Variants in WDR59 observed in about 807,000 individuals in gnomAD.
The protein encoded by WDR59 is WD repeat domain 59, also known as GATOR2 complex protein WDR59.
WDR59 carries 100 observed loss-of-function variants against 131.2 expected under a neutral mutation model. The observed-to-expected ratio is 0.76, with a 90% CI of 0.65 to 0.90. The LOEUF (loss-of-function observed/expected upper bound fraction) is 0.90. WDR59 is among the 40% of genes least tolerant of loss of function. The probability of loss-of-function intolerance (pLI) is 0.00; values close to 1 mark genes in which losing one functional copy is unlikely to be tolerated. For synonymous variants in WDR59, 601 were observed against 466.2 expected, an observed-to-expected ratio of 1.29 and a Z score of -3.72; for missense variants, 1,203 against 1,262.2, an observed-to-expected ratio of 0.95 and a Z score of 0.71.
intron 18 of WDR59, among the ~76,000 whole-genome samples, chr16:74,898,203 G>C (rs1475323704): frequency 6.6e-6 from 1 of 152,148 alleles, no homozygotes; most frequent in Non-Finnish European, 1.5e-5. Flanking sequence ...AGAGCATACT[G>C]ACACATGAGG....
intron 25 of WDR59, among the ~76,000 whole-genome samples, chr16:74,879,473 TTCAG>T (rs1185395912): frequency 2.0e-5 from 3 of 152,200 alleles, no homozygotes; most frequent in Non-Finnish European, 4.4e-5. Context: ...AGCAGATGAC[TTCAG>T]TCAAAGTAGA....
intron 1 of WDR59, among the ~76,000 whole-genome samples, chr16:74,967,082 T>C (rs2033803279): frequency 1.3e-5 from 2 of 152,148 alleles, no homozygotes; most frequent in African/African-American, 4.8e-5. Context: ...TCTGCGACAA[T>C]CACAAATCAC....
At chr16:74,948,609 C>A (rs2032796921) in intron 5 of WDR59, 53 bp from the exon 6 acceptor site, 5 of 1,445,566 alleles carry the variant, frequency 3.5e-6, no homozygotes, top group African/African-American at 2.8e-5. Flanking sequence ...CACCACCCAC[C>A]TGGTATTTTT....
rs756721530 is a variant in WDR59 at position 74,916,178 on chromosome 16, G to A, written c.1048C>T (p.His350Tyr). 1.5e-5 allele frequency: 24 copies of A among 1,614,012 alleles called. No homozygotes were observed. The East Asian group carries it at 4.9e-4, about 33-fold the overall frequency. Residue 350 changes from histidine (H) to tyrosine (Y), a missense_variant, in exon 12 of 26, where the codon CAC (histidine) becomes TAC (tyrosine). Transcript: ENST00000262144. The stretch of plus-strand genomic sequence containing the variant: ...TGCTGGTGATCTGTATCTTCAGTGT[G>A]CAGGGTCTTCTCAGGTTCCGGCAGA... Reference protein sequence around the residue: ...SLLPEPEKTLHTEDTDHQHTA... With the variant: ...SLLPEPEKTLYTEDTDHQHTA...
intron 22 of WDR59, 104 bp downstream of exon 22, chr16:74,888,065 C>G (rs1187867812): frequency 7.2e-7 from 1 of 1,392,396 alleles, no homozygotes; most frequent in Non-Finnish European, 9.5e-7. Context: ...TTGCAGTGAG[C>G]TGAGATCATG....
chr16:74,913,823 G>C (rs959724641), intron 13 of WDR59, among the ~76,000 whole-genome samples: 5 of 152,152 alleles, frequency 3.3e-5, no homozygotes, highest in African/African-American at 9.7e-5. Context: ...GTTTCTTCTG[G>C]GAATGATGAA....
intron 9 of WDR59, among the ~76,000 whole-genome samples, chr16:74,922,726 T>A (rs1463132249): frequency 6.6e-6 from 1 of 152,230 alleles, no homozygotes; most frequent in South Asian, 2.1e-4. Context: ...AAAGAGCACA[T>A]TTATCTTCAC....
chr16:74,982,413 C>T (rs1444756647), intron 1 of WDR59, among the ~76,000 whole-genome samples: 1 of 152,242 alleles, frequency 6.6e-6, no homozygotes, highest in East Asian at 1.9e-4. Context: ...ACTTTGTTCT[C>T]TTACTGTGAC....
intron 1 of WDR59, among the ~76,000 whole-genome samples, chr16:74,983,934 C>T (rs992981199): frequency 5.3e-5 from 8 of 151,658 alleles, no homozygotes; most frequent in Non-Finnish European, 1.5e-5. Context: ...AGCGGTGATT[C>T]ACGCCTCTGC....
chr16:74,904,185 A>C (rs9930498), intron 17 of WDR59, 85 bp from the exon 18 acceptor site: 1 of 1,499,984 alleles, frequency 6.7e-7, no homozygotes, highest in South Asian at 1.2e-5. Context: ...TTGATACCAA[A>C]AGGAGAAGAC....
At position 74,872,092 on chromosome 16, in the gene WDR59, G is replaced by A. The variant is rs1295956903; in HGVS notation, c.*2117C>T. 2 of 152,190 alleles carry A rather than the reference G, an allele frequency of 1.3e-5. No homozygotes were observed. The highest frequency in any genetic ancestry group is 3.9e-4 in the East Asian group (2 of 5,194). 9.4% of individuals were successfully genotyped at this position (152,190 alleles called of 1,614,324 possible). ...CTGTGCACACATGTGCTGCACACAC[G>A]TAAACAAGTTACACAAAACATTTTC... On this transcript the variant is annotated 3_prime_UTR_variant, in exon 26 of 26. Transcript: ENST00000262144.
At chr16:74,907,223 C>G (rs1274970588) in intron 17 of WDR59, among the ~76,000 whole-genome samples, 3 of 152,168 alleles carry the variant, frequency 2.0e-5, no homozygotes, top group Non-Finnish European at 4.4e-5. Flanking sequence ...AGTTCTCTCT[C>G]TTTCTTGTTA....
intron 2 of WDR59, chr16:74,963,324 G>A (rs2033635879): frequency 6.6e-6 from 1 of 152,038 alleles, no homozygotes; most frequent in Non-Finnish European, 1.5e-5. Context: ...CAATAGCAAA[G>A]ACATGGAATC....
intron 3 of WDR59, among the ~76,000 whole-genome samples, chr16:74,954,401 T>G (rs1205545502): frequency 6.6e-6 from 1 of 152,136 alleles, no homozygotes; most frequent in African/African-American, 2.4e-5. Flanking sequence ...AGAGTGAAAC[T>G]CTGTCTCAAA....
chr16:74,920,990 G>A (rs1414060522), intron 10 of WDR59, among the ~76,000 whole-genome samples: 1 of 151,964 alleles, frequency 6.6e-6, no homozygotes, highest in Non-Finnish European at 1.5e-5. Flanking sequence ...GACCTGCATG[G>A]CAATTACATA....
intron 5 of WDR59, among the ~76,000 whole-genome samples, chr16:74,948,804 C>T (rs2032810200): frequency 6.6e-6 from 1 of 152,086 alleles, no homozygotes; most frequent in East Asian, 1.9e-4. Flanking sequence ...AGTTCGAGAC[C>T]AGCCTGACCA....
intron 1 of WDR59, among the ~76,000 whole-genome samples, chr16:74,976,224 TTTTA>T (rs898607599): frequency 4.0e-4 from 61 of 152,232 alleles, no homozygotes; most frequent in African/African-American, 1.4e-3. Flanking sequence ...AGTTGTGCTT[TTTTA>T]TTTTAGTTTT....
At chr16:74,951,819 G>C (rs191577028) in intron 3 of WDR59, among the ~76,000 whole-genome samples, 7 of 152,250 alleles carry the variant, frequency 4.6e-5, no homozygotes, top group Non-Finnish European at 1.0e-4. Context: ...TGAAGGTGCA[G>C]AAGCACTTCT....
chr16:74,934,638 T>G (rs2031655654), intron 8 of WDR59, among the ~76,000 whole-genome samples: 1 of 152,052 alleles, frequency 6.6e-6, no homozygotes, highest in South Asian at 2.1e-4. Context: ...AAGCTACAGA[T>G]CAGAAAAAAG....
Sources: gnomAD v4.1 joint callset for allele counts (sites outside exome capture counted in the v4.1 genomes callset) on GRCh38, gnomAD v4.1.1 for gene constraint, MANE v1.5 for transcripts, NCBI Gene and HGNC (gene_info 2026-07-23, HGNC 2026-07-21) for gene names.